The following DDX46 variants were observed in gnomAD, a reference collection of about 807,000 sequenced individuals.
DDX46 encodes DEAD-box helicase 46.
DDX46 carries 30 observed loss-of-function variants against 134.9 expected under a neutral mutation model. The observed-to-expected ratio is 0.22, with a 90% CI of 0.17 to 0.30. The LOEUF (loss-of-function observed/expected upper bound fraction) is 0.30, where lower values mean the gene tolerates loss of function less well. DDX46 is among the 10% of genes least tolerant of loss of function. The pLI, the probability that DDX46 is intolerant of heterozygous loss-of-function variation, is 1.00. For synonymous variants in DDX46, 415 were observed against 404.1 expected (o/e 1.03, Z -0.32); for missense variants, 622 against 1,248.7 (o/e 0.50, Z 7.56).
At chr5:134,811,582 T>TG in intron 17 of DDX46, 114 bp from the exon 18 acceptor site, 1 of 1,208,760 alleles carries the variant, frequency 8.3e-7, no homozygotes, top group Admixed American at 2.8e-5. Flanking sequence ...ACATGCTAGA[T>TG]GAAGTGTTTT....
chr5:134,816,865 T>G, intron 19 of DDX46: 1 of 370,606 alleles, frequency 2.7e-6, no homozygotes, highest in Non-Finnish European at 4.8e-6. Context: ...TGATGAGTCT[T>G]AACAAAATCT....
rs529006631 is a variant in DDX46, at chr5:134,829,350, T to C, written c.*644T>C. ...GAGTGTAAAACTCTACAAAGAGTTA[T>C]AGTATTTACTACTTTGAGGTTTCCC... On this transcript the variant is annotated 3_prime_UTR_variant, in exon 23 of 23. Transcript: ENST00000452510. 34 of 152,366 alleles carry C rather than the reference T, an allele frequency of 2.2e-4. No individual in the cohort carries two copies. In the South Asian group the frequency reaches 2.7e-3, roughly 12 times the overall value. The allele number at this position is 152,366 out of a possible 1,614,324, so 9.4% of individuals were successfully genotyped here.
At chr5:134,805,825 C>T (rs1198345140) in intron 15 of DDX46, among the ~76,000 whole-genome samples, 1 of 152,076 alleles carries the variant, frequency 6.6e-6, no homozygotes, top group African/African-American at 2.4e-5. Flanking sequence ...GAGCCTTGCC[C>T]CCAGCCTCTC....
chr5:134,762,248 C>T (rs1316884009), intron 1 of DDX46, among the ~76,000 whole-genome samples: 2 of 139,924 alleles, frequency 1.4e-5, no homozygotes, highest in East Asian at 4.0e-4. Flanking sequence ...CCATCTCTAC[C>T]CAAAAAAAAA....
intron 1 of DDX46, among the ~76,000 whole-genome samples, 198 bp downstream of exon 1, chr5:134,759,153 C>T (rs925901389): frequency 6.6e-6 from 1 of 152,198 alleles, no homozygotes; most frequent in Non-Finnish European, 1.5e-5. Flanking sequence ...TTCCCCTGCA[C>T]TACCATCAGA....
At chr5:134,817,336 A>G in intron 19 of DDX46, 160 bp from the exon 20 acceptor site, 2 of 653,174 alleles carry the variant, frequency 3.1e-6, no homozygotes, top group Non-Finnish European at 5.0e-6. Flanking sequence ...ATAAATATAT[A>G]TTGCTAAATC....
chr5:134,781,864 C>G (rs1461082883), intron 7 of DDX46, 57 bp from the exon 8 acceptor site: 1 of 1,524,636 alleles, frequency 6.6e-7, no homozygotes, highest in African/African-American at 1.4e-5. Flanking sequence ...GTATTGCTTC[C>G]CACAAGGGGA....
intron 15 of DDX46, among the ~76,000 whole-genome samples, chr5:134,802,159 C>CTTTTTTTTTTTTTTTTT (rs542615882): frequency 1.4e-5 from 1 of 73,284 alleles, no homozygotes; most frequent in Admixed American, 1.6e-4. Context: ...TAATTTCTTT[C>CTTTTTTTTTTTTTTTTT]TTTTTTTTTT....
In DDX46 at chr5:134,807,773, C is replaced by T; in HGVS notation, c.1980C>T (p.Ser660=). The change falls in exon 16 of 23, where the codon AGC becomes AGT. Residue 660 remains serine (S), a synonymous_variant. Coordinates refer to ENST00000452510, the MANE Select transcript of DDX46 (RefSeq NM_001300860.2). ...GCATTGATCAATATGACAGAGATAG[C>T]ATCATAAATGACTTTAAGAATGGGA... ...HGGIDQYDRD[S]IINDFKNGTC... 1 of 1,614,036 alleles carries T rather than the reference C, an allele frequency of 6.2e-7. No homozygotes were observed. Among genetic ancestry groups the T allele is most frequent in the Non-Finnish European group, 8.5e-7 (1 of 1,179,990 alleles).
At position 134,784,619 on chromosome 5, in the gene DDX46, T is replaced by C; in HGVS notation, c.1342+78T>C. 4 of 1,413,252 alleles carry C rather than the reference T, an allele frequency of 2.8e-6. No homozygotes were observed. The South Asian group carries it at 6.3e-5, about 22-fold the overall frequency. 87.5% of individuals were successfully genotyped at this position (1,413,252 alleles called of 1,614,324 possible). On this transcript the variant is annotated intron_variant, in intron 10 of 22. Transcript: ENST00000452510. ...AGAAAGACCTTATAGTTTATAATGT[T>C]CTTAATTATGACAATGAAGTTGTCT... is the stretch of plus-strand genomic sequence containing the variant.
At chr5:134,791,064 C>T (rs961429026) in intron 13 of DDX46, among the ~76,000 whole-genome samples, 5 of 152,212 alleles carry the variant, frequency 3.3e-5, no homozygotes, top group South Asian at 2.1e-4. Flanking sequence ...GTGATCCACC[C>T]GCCTTGGCCT....
intron 3 of DDX46, among the ~76,000 whole-genome samples, chr5:134,769,331 T>C (rs1391900785): frequency 6.9e-6 from 1 of 143,990 alleles, no homozygotes; most frequent in East Asian, 2.0e-4. Flanking sequence ...TTCAAGGTTT[T>C]TTTTTTTTTT....
At position 134,807,743 on chromosome 5, in the gene DDX46, TGC is replaced by T. The variant is rs1755032120; in HGVS notation, c.1955-4_1955-3del. 1 of 1,605,058 alleles carries T rather than the reference TGC, an allele frequency of 6.2e-7. No individual in the cohort carries two copies. The highest frequency in any genetic ancestry group is 1.7e-5 in the Admixed American group (1 of 59,284). Reference sequence around the variant, plus strand: ...ATGTTTTAAAGCTCTCTAATTTACTTGCAGGCATTGATCAATATGACAGAGAT... The same window carrying T: ...ATGTTTTAAAGCTCTCTAATTTACTTAGGCATTGATCAATATGACAGAGAT... On this transcript the variant is annotated splice_polypyrimidine_tract_variant and splice_region_variant and intron_variant, in intron 15 of 22. Coordinates refer to ENST00000452510, the MANE Select transcript of DDX46 (RefSeq NM_001300860.2).
intron 11 of DDX46, among the ~76,000 whole-genome samples, chr5:134,787,834 A>C (rs2150144553): frequency 6.8e-6 from 1 of 146,798 alleles, no homozygotes; most frequent in South Asian, 2.2e-4. Context: ...ATGTAGTGAG[A>C]CCCCATCTCT....
chr5:134,796,914 G>A (rs1487890360), intron 15 of DDX46, among the ~76,000 whole-genome samples: 4 of 150,886 alleles, frequency 2.7e-5, no homozygotes, highest in African/African-American at 4.9e-5. Flanking sequence ...AACTTTGAGA[G>A]GCTGAGGCGG....
intron 3 of DDX46, among the ~76,000 whole-genome samples, chr5:134,767,678 C>T (rs1009847865): frequency 3.3e-5 from 5 of 151,416 alleles, no homozygotes; most frequent in Non-Finnish European, 7.4e-5. Flanking sequence ...AGGCCAGGCG[C>T]GGTGGCTGAC....
In DDX46 at chr5:134,825,046, T is replaced by TGC. The variant is rs557654914; in HGVS notation, c.2978-1901_2978-1900insGC. Reference sequence around the variant, plus strand: ...TTTTTTTCATAGCTGCTTATAAACATATGTAACCTATTACAAGAAGTTACA... The same window carrying TGC: ...TTTTTTTCATAGCTGCTTATAAACATGCATGTAACCTATTACAAGAAGTTACA... On this transcript the variant is annotated intron_variant, in intron 21 of 22. Coordinates refer to ENST00000452510, the MANE Select transcript of DDX46 (RefSeq NM_001300860.2). 7.9e-5 allele frequency among the ~76,000 whole-genome samples: 12 copies of TGC among 152,326 alleles called. No homozygotes were observed. The East Asian group carries it at 2.1e-3, about 27-fold the overall frequency.
At chr5:134,807,650 G>T in intron 15 of DDX46, 98 bp from the exon 16 acceptor site, 2 of 1,020,316 alleles carry the variant, frequency 2.0e-6, no homozygotes, top group Non-Finnish European at 2.8e-6. Flanking sequence ...TTAGGAGTTG[G>T]ATGTGTCAAT....
intron 15 of DDX46, chr5:134,797,188 A>AC: frequency 7.0e-6 from 2 of 286,994 alleles, no homozygotes; most frequent in South Asian, 6.7e-5. Context: ...AAAAAAAAAA[A>AC]AAAAAAAAAC....
Sources: allele counts gnomAD v4.1 joint callset (sites outside exome capture counted in the v4.1 genomes callset), GRCh38; gene constraint gnomAD v4.1.1; transcripts MANE v1.5; gene names NCBI Gene and HGNC (gene_info 2026-07-23, HGNC 2026-07-21).